Variants in BCHE observed in about 807,000 individuals in gnomAD.
BCHE encodes butyrylcholinesterase.
A neutral mutation model predicts 51.3 loss-of-function variants in BCHE; 48 were observed. The ratio of observed to expected loss-of-function variants is 0.94; its 90% CI spans 0.74 to 1.19. BCHE has a LOEUF of 1.19. Among genes scored for constraint, BCHE ranks in the 50% most tolerant of loss-of-function variants. The probability of loss-of-function intolerance (pLI) is 0.00; values close to 1 mark genes in which losing one functional copy is unlikely to be tolerated. For synonymous variants in BCHE, 251 were observed against 238.0 expected (o/e 1.05, Z -0.50); for missense variants, 847 against 708.2 (o/e 1.20, Z -2.23).
chr3:165,828,566 A>G (rs983836116), intron 2 of BCHE, among the ~76,000 whole-genome samples: 1 of 152,168 alleles, frequency 6.6e-6, no homozygotes, highest in African/African-American at 2.4e-5. Flanking sequence ...GTTTAGTTAT[A>G]AAAGATAGTG....
rs575201774 is a variant in BCHE, at chr3:165,796,549, A to AT, written c.1518-10239dup. Among the ~76,000 whole-genome samples, 55 of 152,154 alleles carry AT rather than the reference A, an allele frequency of 3.6e-4. No individual in the cohort carries two copies. The South Asian group carries it at 0.011, about 32-fold the overall frequency. ...TAAAATGCCTTAAGCACAAAGAAAT[A>AT]TTTTTTCTTTTTAATCCAAATCAAA... On this transcript the variant is annotated intron_variant, in intron 2 of 3. Transcript: ENST00000264381.
chr3:165,835,118 A>G (rs1477327672), intron 1 of BCHE, among the ~76,000 whole-genome samples: 1 of 151,870 alleles, frequency 6.6e-6, no homozygotes, highest in Non-Finnish European at 1.5e-5. Context: ...TTTGTTTGGA[A>G]TTAAGAAAAT....
chr3:165,809,925 G>C (rs909726845), intron 2 of BCHE, among the ~76,000 whole-genome samples: 18 of 152,032 alleles, frequency 1.2e-4, no homozygotes, highest in African/African-American at 4.3e-4. Flanking sequence ...CACAGCTTAT[G>C]GGAAAATGCT....
chr3:165,774,461 G>A (rs1357123396), intron 3 of BCHE, among the ~76,000 whole-genome samples: 1 of 151,970 alleles, frequency 6.6e-6, no homozygotes, highest in Non-Finnish European at 1.5e-5. Flanking sequence ...AGACTCCCGA[G>A]TAGCTGGGAT....
At chr3:165,818,384 T>C (rs1714385512) in intron 2 of BCHE, among the ~76,000 whole-genome samples, 1 of 152,110 alleles carries the variant, frequency 6.6e-6, no homozygotes, top group Non-Finnish European at 1.5e-5. Flanking sequence ...GTTTTTCTGA[T>C]TTTAGGACTA....
At chr3:165,809,953 G>A (rs138132179) in intron 2 of BCHE, among the ~76,000 whole-genome samples, 298 of 152,130 alleles carry the variant, frequency 2.0e-3, no homozygotes, top group African/African-American at 6.7e-3. Context: ...CCACTCTTTC[G>A]TTAGTATTTT....
chr3:165,831,409 A>G (rs1714984645), intron 1 of BCHE, among the ~76,000 whole-genome samples: 1 of 152,162 alleles, frequency 6.6e-6, no homozygotes, highest in Non-Finnish European at 1.5e-5. Flanking sequence ...CCTACATCAG[A>G]TATAATTTCT....
At chr3:165,784,722 A>G (rs1372554508) in intron 3 of BCHE, among the ~76,000 whole-genome samples, 3 of 151,956 alleles carry the variant, frequency 2.0e-5, no homozygotes, top group Non-Finnish European at 4.4e-5. Context: ...ATAAATTGCA[A>G]TAGATCACAC....
In BCHE at chr3:165,830,064, C is replaced by G; in HGVS notation, c.970G>C (p.Gly324Arg). Residue 324 changes from glycine to arginine, a missense_variant, in exon 2 of 4, where the codon GGT becomes CGT. Coordinates refer to ENST00000264381, the MANE Select transcript of BCHE (RefSeq NM_000055.4). ...LSVNFGPTVD[G>R]DFLTDMPDIL... is the part of the protein sequence containing the mutation. Reference sequence around the variant, plus strand: ...TCTGGCATGTCAGTGAGAAAATCACCATCCACGGTCGGACCAAAGTTTACT... The same window carrying G: ...TCTGGCATGTCAGTGAGAAAATCACGATCCACGGTCGGACCAAAGTTTACT... The G allele has an allele frequency of 6.2e-7, 1 of 1,613,528 alleles. No homozygotes were observed. The highest frequency in any genetic ancestry group is 8.5e-7 in the Non-Finnish European group (1 of 1,179,818).
In BCHE at chr3:165,830,549, G is replaced by T; in HGVS notation, c.485C>A (p.Ala162Asp). The change falls in exon 2 of 4, where the codon GCT becomes GAT. Residue 162 changes from alanine (A) to aspartate (D), a missense_variant. By Grantham distance (126) the Ala-to-Asp change is moderately radical. Transcript: ENST00000264381. ...CACTACAATAACTCTTTCAACCCGA[G>T]CCAGAAACTTGCCATCATAAACATG... ...SLHVYDGKFL[A>D]RVERVIVVSM... 2 of 1,613,898 alleles carry T rather than the reference G, an allele frequency of 1.2e-6. No homozygotes were observed. The highest frequency in any genetic ancestry group is 1.7e-6 in the Non-Finnish European group (2 of 1,179,918).
chr3:165,834,245 A>T (rs550039849), intron 1 of BCHE, among the ~76,000 whole-genome samples: 1 of 152,158 alleles, frequency 6.6e-6, no homozygotes, highest in Admixed American at 6.6e-5. Flanking sequence ...AATTTATTAT[A>T]TGTTGATATT....
chr3:165,822,818 G>C (rs983678371), intron 2 of BCHE, among the ~76,000 whole-genome samples: 1 of 151,960 alleles, frequency 6.6e-6, no homozygotes, highest in Non-Finnish European at 1.5e-5. Flanking sequence ...TAGTGCTCTG[G>C]TCTTTCTCAT....
At chr3:165,827,454 A>C (rs1483565305) in intron 2 of BCHE, among the ~76,000 whole-genome samples, 1 of 151,512 alleles carries the variant, frequency 6.6e-6, no homozygotes, top group Non-Finnish European at 1.5e-5. Flanking sequence ...TTAATAATTA[A>C]ATAATTAAGT....
chr3:165,834,694 T>C (rs923743011), intron 1 of BCHE, among the ~76,000 whole-genome samples: 1 of 151,938 alleles, frequency 6.6e-6, no homozygotes. Context: ...GAAAGAGAAA[T>C]AAATGAAAAT....
At chr3:165,808,187 G>A (rs1330848407) in intron 2 of BCHE, among the ~76,000 whole-genome samples, 1 of 151,826 alleles carries the variant, frequency 6.6e-6, no homozygotes, top group Non-Finnish European at 1.5e-5. Context: ...AGGTTTCACC[G>A]TGTTAGTCAG....
At chr3:165,797,260 C>CGT (rs1576847304) in intron 2 of BCHE, among the ~76,000 whole-genome samples, 2 of 294 alleles carry the variant, frequency 6.8e-3, no homozygotes, top group Admixed American at 0.042. Flanking sequence ...TTCCCTCCTT[C>CGT]CCTTCCTTCC....
At chr3:165,817,561 A>G (rs1161806506) in intron 2 of BCHE, among the ~76,000 whole-genome samples, 2 of 151,972 alleles carry the variant, frequency 1.3e-5, no homozygotes, top group East Asian at 3.9e-4. Context: ...CAACATCCCA[A>G]ATACTTTAGT....
At chr3:165,785,390 A>G (rs535570907) in intron 3 of BCHE, among the ~76,000 whole-genome samples, 1 of 151,926 alleles carries the variant, frequency 6.6e-6, no homozygotes, top group East Asian at 1.9e-4. Context: ...AGTGAGTTGG[A>G]TATATGTCAT....
intron 2 of BCHE, among the ~76,000 whole-genome samples, chr3:165,818,067 T>C (rs1459065537): frequency 2.0e-5 from 3 of 152,210 alleles, no homozygotes; most frequent in East Asian, 3.9e-4. Flanking sequence ...CATTCAAAAA[T>C]GTCTATCTGA....
Sources: allele counts gnomAD v4.1 joint callset (sites outside exome capture counted in the v4.1 genomes callset), GRCh38; gene constraint gnomAD v4.1.1; transcripts MANE v1.5; gene names NCBI Gene and HGNC (gene_info 2026-07-23, HGNC 2026-07-21).